Variants in NYAP2 observed in about 807,000 individuals in gnomAD.
NYAP2 encodes the protein neuronal tyrosine-phosphorylated phosphoinositide-3-kinase adapter 2.
NYAP2 carries 23 observed loss-of-function variants against 50.4 expected under a neutral mutation model. The observed-to-expected ratio is 0.46, with a 90% CI of 0.33 to 0.65. The LOEUF (loss-of-function observed/expected upper bound fraction) is 0.65, where lower values mean the gene tolerates loss of function less well. Among genes scored for constraint, NYAP2 ranks in the 30% least tolerant of loss-of-function variants. The probability of loss-of-function intolerance (pLI) is 0.02; values close to 1 mark genes in which losing one functional copy is unlikely to be tolerated. For synonymous variants in NYAP2, 394 were observed against 365.2 expected (o/e 1.08, Z -0.90); for missense variants, 885 against 861.0 (o/e 1.03, Z -0.35).
intron 5 of NYAP2, among the ~76,000 whole-genome samples, chr2:225,600,231 A>G (rs991168090): frequency 2.0e-5 from 3 of 152,024 alleles, no homozygotes; most frequent in Non-Finnish European, 4.4e-5. Flanking sequence ...TAAGTTCCTG[A>G]GTGGAGGCCA....
intron 3 of NYAP2, among the ~76,000 whole-genome samples, chr2:225,447,645 A>G (rs994652166): frequency 2.0e-5 from 3 of 152,228 alleles, no homozygotes; most frequent in East Asian, 1.9e-4. Context: ...TATAGAATGC[A>G]TGAAAAAATC....
chr2:225,432,500 T>C (rs1052263024), intron 3 of NYAP2, among the ~76,000 whole-genome samples: 1 of 150,708 alleles, frequency 6.6e-6, no homozygotes, highest in African/African-American at 2.4e-5. Flanking sequence ...GAGATATAGG[T>C]ATATTTATAT....
In NYAP2 at chr2:225,573,376, C is replaced by A. The variant is rs147039877; in HGVS notation, c.524-8565C>A. ...AAACAATTCTCCTTCCTCAGCCTCCCGAGTAGCTGGGATTACAGGTGCCTG... is the reference window on the plus strand; with the variant it reads ...AAACAATTCTCCTTCCTCAGCCTCCAGAGTAGCTGGGATTACAGGTGCCTG... On this transcript the variant is annotated intron_variant, in intron 4 of 6. Transcript: ENST00000636099. Among the ~76,000 whole-genome samples the A allele has an allele frequency of 5.6e-3, 845 of 151,734 alleles. 27 individuals carry two copies. The highest frequency in any genetic ancestry group is 0.043 in the Admixed American group (663 of 15,256).
chr2:225,519,818 C>T (rs1364487091), intron 4 of NYAP2, among the ~76,000 whole-genome samples: 2 of 152,142 alleles, frequency 1.3e-5, no homozygotes, highest in African/African-American at 2.4e-5. Flanking sequence ...AATGGTATTT[C>T]TAGTTTTAGA....
chr2:225,417,325 T>C (rs73099722), intron 3 of NYAP2, among the ~76,000 whole-genome samples: 1,893 of 152,286 alleles, frequency 0.012, 37 homozygotes, highest in African/African-American at 0.042. Flanking sequence ...TATACATGTG[T>C]GGGTTACCTT....
chr2:225,586,598 G>A (rs1692393667), intron 5 of NYAP2, among the ~76,000 whole-genome samples: 1 of 152,092 alleles, frequency 6.6e-6, no homozygotes, highest in African/African-American at 2.4e-5. Flanking sequence ...TTTTTGTGAT[G>A]AACTTTGGAG....
the NYAP2 span, among the ~76,000 whole-genome samples, chr2:225,665,807 TAAAAAAAAAAAAAAAAAAAA>T: frequency 4.8e-5 from 1 of 20,998 alleles, no homozygotes; most frequent in African/African-American, 1.7e-4. Context: ...AGCCTCCGTC[TAAAAAAAAAAAAAAAAAAAA>T]AAAAAAAAAA....
the NYAP2 span, among the ~76,000 whole-genome samples, chr2:225,666,968 T>C: frequency 6.6e-6 from 1 of 151,958 alleles, no homozygotes; most frequent in South Asian, 2.1e-4. Context: ...TGTAATGTTA[T>C]GCCAGGGTCA....
intron 3 of NYAP2, among the ~76,000 whole-genome samples, chr2:225,460,189 T>C (rs1018559879): frequency 1.3e-5 from 2 of 152,206 alleles, no homozygotes; most frequent in African/African-American, 4.8e-5. Flanking sequence ...TATTAGCTCT[T>C]GAAAGATTTC....
chr2:225,494,591 T>A (rs891664815), intron 3 of NYAP2, among the ~76,000 whole-genome samples: 2 of 152,180 alleles, frequency 1.3e-5, no homozygotes, highest in African/African-American at 4.8e-5. Context: ...GAAAATTAGG[T>A]CCTAGAGAGT....
At chr2:225,511,367 C>CAGAGAG (rs1299528301) in intron 3 of NYAP2, among the ~76,000 whole-genome samples, 1 of 136,922 alleles carries the variant, frequency 7.3e-6, no homozygotes, top group South Asian at 2.4e-4. Context: ...CACACACACA[C>CAGAGAG]ACACACAGAG....
At chr2:225,508,984 C>G (rs1388454581) in intron 3 of NYAP2, among the ~76,000 whole-genome samples, 1 of 152,198 alleles carries the variant, frequency 6.6e-6, no homozygotes, top group East Asian at 1.9e-4. Flanking sequence ...TCTCCTAGCT[C>G]TCTTCTGGCT....
At chr2:225,455,062 A>G (rs1689718598) in intron 3 of NYAP2, among the ~76,000 whole-genome samples, 1 of 152,156 alleles carries the variant, frequency 6.6e-6, no homozygotes, top group Admixed American at 6.5e-5. Context: ...GGGTGAAGGA[A>G]TGCAGACAGT....
rs920222344 is a variant in NYAP2, at chr2:225,597,181, G to A, written c.1618+14146G>A. Reference sequence around the variant, plus strand: ...ATTTCCATAGGTTTTGGGGAAACAGGTGGTGTTGGTTATGTGAATAAGTCC... The same window carrying A: ...ATTTCCATAGGTTTTGGGGAAACAGATGGTGTTGGTTATGTGAATAAGTCC... On this transcript the variant is annotated intron_variant, in intron 5 of 6. Coordinates refer to ENST00000636099, the Ensembl canonical transcript of NYAP2. Among the ~76,000 whole-genome samples the A allele has an allele frequency of 1.1e-4, 16 of 151,854 alleles. 1 individual carries two copies. The highest frequency in any genetic ancestry group is 3.4e-4 in the African/African-American group (14 of 41,350).
rs75467129 is a variant in NYAP2, at chr2:225,613,229, A to T, written c.1619-13688A>T. Among the ~76,000 whole-genome samples, 1,179 of 152,188 alleles carry T rather than the reference A, an allele frequency of 7.7e-3. 17 individuals are homozygous for T. The highest frequency in any genetic ancestry group is 0.027 in the African/African-American group (1,120 of 41,528). ...AAGGCCTGAGAGTCCCCAGAAATCC[A>T]CTGGTGCAAGTCTCAGAGTCCAAAG... On this transcript the variant is annotated intron_variant, in intron 5 of 6. Coordinates refer to ENST00000636099, the Ensembl canonical transcript of NYAP2.
chr2:225,516,307 C>T (rs958202488), intron 4 of NYAP2, among the ~76,000 whole-genome samples: 1 of 152,152 alleles, frequency 6.6e-6, no homozygotes, highest in Non-Finnish European at 1.5e-5. Context: ...AGCTTTATTT[C>T]TTCTGAAGAC....
intron 4 of NYAP2, among the ~76,000 whole-genome samples, chr2:225,552,706 T>C (rs1047093009): frequency 6.6e-6 from 1 of 152,204 alleles, no homozygotes; most frequent in African/African-American, 2.4e-5. Context: ...GTTTTTGTTT[T>C]TTGAGACACA....
intron 3 of NYAP2, among the ~76,000 whole-genome samples, chr2:225,423,236 G>A (rs73099736): frequency 0.012 from 1,881 of 152,264 alleles, 38 homozygotes; most frequent in African/African-American, 0.042. Flanking sequence ...TTTTAGGAAG[G>A]AATGCCATGC....
intron 4 of NYAP2, among the ~76,000 whole-genome samples, chr2:225,557,725 C>T (rs1289874986): frequency 6.6e-6 from 1 of 152,002 alleles, no homozygotes; most frequent in African/African-American, 2.4e-5. Context: ...TAAGCTTCTC[C>T]CTTTTGTTTT....
Sources: gnomAD v4.1 joint callset for allele counts (sites outside exome capture counted in the v4.1 genomes callset) on GRCh38, gnomAD v4.1.1 for gene constraint, MANE v1.5 for transcripts, NCBI Gene and HGNC (gene_info 2026-07-23, HGNC 2026-07-21) for gene names.